RABGAP1: variants seen among roughly 807,000 people sequenced by gnomAD.
RABGAP1 encodes the protein rab GTPase-activating protein 1.
In RABGAP1, 23 loss-of-function variants were observed where a neutral mutation model predicts 137.6. The ratio of observed to expected loss-of-function variants is 0.17; its 90% CI spans 0.12 to 0.24. The LOEUF is 0.24. RABGAP1 is among the 10% of genes least tolerant of loss of function. The pLI is 1.00. For synonymous variants in RABGAP1, 451 were observed against 450.7 expected (o/e 1.00, Z -0.01); for missense variants, 906 against 1,275.8 (o/e 0.71, Z 4.42).
At chr9:122,943,713 G>A (rs1367157992) in intron 1 of RABGAP1, among the ~76,000 whole-genome samples, 1 of 152,156 alleles carries the variant, frequency 6.6e-6, no homozygotes, top group Admixed American at 6.5e-5. Flanking sequence ...CAGCACTTTG[G>A]GAGGCCAAGG....
At chr9:122,969,693 AT>A (rs570314964) in intron 2 of RABGAP1, among the ~76,000 whole-genome samples, 1 of 151,438 alleles carries the variant, frequency 6.6e-6, no homozygotes, top group Non-Finnish European at 1.5e-5. Context: ...TTCCTAACAC[AT>A]TTTTTTTGCC....
At chr9:122,971,585 G>T (rs1181409609) in intron 2 of RABGAP1, 1 of 152,012 alleles carries the variant, frequency 6.6e-6, no homozygotes, top group Non-Finnish European at 1.5e-5. Flanking sequence ...AGCAAAATTA[G>T]AAAACATTTA....
intron 2 of RABGAP1, among the ~76,000 whole-genome samples, chr9:122,968,734 C>G (rs1835311593): frequency 6.6e-6 from 1 of 152,102 alleles, no homozygotes; most frequent in Non-Finnish European, 1.5e-5. Context: ...CCTGCCTCAG[C>G]CTCCTGAGTA....
chr9:122,942,424 C>G (rs1833635476), intron 1 of RABGAP1, among the ~76,000 whole-genome samples: 1 of 152,108 alleles, frequency 6.6e-6, no homozygotes, highest in African/African-American at 2.4e-5. Flanking sequence ...TGTGATCCAG[C>G]ATTTTAGGAG....
chr9:123,070,452 T>C lies in RABGAP1; in HGVS notation c.1983+28T>C, dbSNP rs755054343. ...GAGTAATTAGGTCTCTGTTATGACT[T>C]AACACATGGCCTCCCTCAGCTTATA... On this transcript the variant is annotated intron_variant, in intron 15 of 25. Transcript: ENST00000373647. This position sits in a 1 kb window ranked among gnomAD's most constrained non-coding sequence, Gnocchi z 4.4. The C allele has an allele frequency of 5.6e-6, 9 of 1,613,772 alleles. No individual in the cohort carries two copies. The East Asian group carries it at 1.6e-4, about 28-fold the overall frequency.
chr9:122,973,049 G>A (rs186136785), intron 2 of RABGAP1, among the ~76,000 whole-genome samples: 10 of 148,658 alleles, frequency 6.7e-5, no homozygotes, highest in African/African-American at 1.7e-4. Flanking sequence ...GGTATTTTTC[G>A]TAATAAAATG....
chr9:122,990,271 G>A (rs112637211), intron 6 of RABGAP1, 58 bp downstream of exon 6: 1 of 1,421,294 alleles, frequency 7.0e-7, no homozygotes, highest in Non-Finnish European at 9.5e-7. Context: ...GAAATTCTAG[G>A]TCAGATTATA....
At chr9:122,936,496 C>T (rs977514533), upstream of RABGAP1, among the ~76,000 whole-genome samples, 1 of 152,180 alleles carries the variant, frequency 6.6e-6, no homozygotes, top group African/African-American at 2.4e-5. Context: ...AGGTTAATTT[C>T]AGTCTCTGTC....
At chr9:123,089,926 A>G (rs1351779759) in intron 20 of RABGAP1, 76 bp downstream of exon 20, 2 of 1,267,310 alleles carry the variant, frequency 1.6e-6, no homozygotes, top group Non-Finnish European at 2.2e-6. Context: ...AACTAGCTTT[A>G]TTGAGTCCTT....
intron 14 of RABGAP1, among the ~76,000 whole-genome samples, chr9:123,068,409 C>A (rs2034250906): frequency 6.6e-6 from 1 of 150,736 alleles, no homozygotes; most frequent in Non-Finnish European, 1.5e-5. Flanking sequence ...GGGATTTTAA[C>A]CCAACTCTGA....
At chr9:122,952,272 T>G (rs139777194) in intron 1 of RABGAP1, among the ~76,000 whole-genome samples, 9 of 152,126 alleles carry the variant, frequency 5.9e-5, no homozygotes, top group South Asian at 2.1e-4. Context: ...TTATTTTTAT[T>G]TTTTGAGACA....
At chr9:123,031,660 T>C (rs952337012) in intron 13 of RABGAP1, among the ~76,000 whole-genome samples, 6 of 152,220 alleles carry the variant, frequency 3.9e-5, no homozygotes, top group African/African-American at 1.4e-4. Flanking sequence ...CTAAGTGCTT[T>C]GAGGGAGAGA....
intron 1 of RABGAP1, among the ~76,000 whole-genome samples, chr9:122,946,730 A>G (rs1275031094): frequency 6.6e-6 from 1 of 152,210 alleles, no homozygotes; most frequent in African/African-American, 2.4e-5. Flanking sequence ...AGTTCTGGAA[A>G]AAATTAAAGT....
intron 13 of RABGAP1, chr9:123,035,462 G>C: frequency 6.2e-7 from 1 of 1,614,170 alleles, no homozygotes; most frequent in Non-Finnish European, 8.5e-7. Context: ...AACAGTTTCT[G>C]CAACTGTGTA....
chr9:123,055,327 G>T (rs1390936656), intron 13 of RABGAP1, among the ~76,000 whole-genome samples: 3 of 152,112 alleles, frequency 2.0e-5, no homozygotes, highest in African/African-American at 7.2e-5. Context: ...GAGTAGCTGG[G>T]ACTACAAGTG....
intron 2 of RABGAP1, among the ~76,000 whole-genome samples, chr9:122,960,138 A>G (rs1834771881): frequency 6.6e-6 from 1 of 152,222 alleles, no homozygotes; most frequent in African/African-American, 2.4e-5. Context: ...TTTAGGCTTG[A>G]CTATAGATGT....
At chr9:123,014,345 ATGTT>A (rs1433894229) in intron 11 of RABGAP1, among the ~76,000 whole-genome samples, 1 of 152,198 alleles carries the variant, frequency 6.6e-6, no homozygotes, top group Non-Finnish European at 1.5e-5. Flanking sequence ...CTTTTAAAGT[ATGTT>A]TGTGTTTTCT....
intron 11 of RABGAP1, among the ~76,000 whole-genome samples, chr9:123,011,628 GA>G (rs879788133): frequency 5.9e-5 from 9 of 152,040 alleles, no homozygotes; most frequent in Non-Finnish European, 1.3e-4. Flanking sequence ...TAATAATCCT[GA>G]AAAATAGGAT....
At position 123,087,286 on chromosome 9, in the gene RABGAP1, GA is replaced by G. The variant is rs2034898379; in HGVS notation, c.2425-2468del. ...TTCTTCCTTACCCCAGCAAAAGAAT[GA>G]AAAGTTGAAGAAACTTGAAGATTTG... On this transcript the variant is annotated intron_variant, in intron 19 of 25. Transcript: ENST00000373647. 3.3e-5 allele frequency among the ~76,000 whole-genome samples: 5 copies of G among 152,238 alleles called. No homozygotes were observed. In the South Asian group the frequency reaches 1.0e-3, roughly 32 times the overall value.
Sources: allele counts gnomAD v4.1 joint callset (sites outside exome capture counted in the v4.1 genomes callset), GRCh38; gene constraint gnomAD v4.1.1; non-coding constraint Gnocchi (gnomAD v3.1); transcripts MANE v1.5; gene names NCBI Gene and HGNC (gene_info 2026-07-23, HGNC 2026-07-21).